The following AOPEP variants were observed in gnomAD, a reference collection of about 807,000 sequenced individuals.
The protein encoded by AOPEP is aminopeptidase O (putative).
AOPEP carries 77 observed loss-of-function variants against 98.1 expected under a neutral mutation model. The ratio of observed to expected loss-of-function variants is 0.78; its 90% CI spans 0.65 to 0.95. The LOEUF is 0.95. Ranked by LOEUF, AOPEP falls within the 40% of genes least tolerant of loss-of-function variation. The pLI, the probability that AOPEP is intolerant of heterozygous loss-of-function variation, is 0.00. For missense variants in AOPEP, 1,024 were observed against 1,024.7 expected (o/e 1.00, Z 0.01); for synonymous variants, 346 against 365.3 (o/e 0.95, Z 0.60).
At chr9:95,133,611 A>G in the AOPEP span, among the ~76,000 whole-genome samples, 1 of 152,196 alleles carries the variant, frequency 6.6e-6, no homozygotes, top group Non-Finnish European at 1.5e-5. Flanking sequence ...GGACATGGAG[A>G]AGGTTCAGGG....
chr9:94,895,574 C>G (rs1463555122), intron 5 of AOPEP, among the ~76,000 whole-genome samples: 3 of 151,944 alleles, frequency 2.0e-5, no homozygotes, highest in Non-Finnish European at 4.4e-5. Flanking sequence ...ACCTGTAAGC[C>G]AAGTGCCTGC....
the AOPEP span, among the ~76,000 whole-genome samples, chr9:95,132,666 A>T: frequency 6.6e-6 from 1 of 152,178 alleles, no homozygotes; most frequent in Non-Finnish European, 1.5e-5. Flanking sequence ...GGGTTTTGAA[A>T]ACTTTTCTTT....
chr9:94,812,573 GAA>G (rs892375685), intron 5 of AOPEP, among the ~76,000 whole-genome samples: 4 of 152,114 alleles, frequency 2.6e-5, no homozygotes, highest in African/African-American at 9.7e-5. Flanking sequence ...AGGAGGCTGA[GAA>G]ATGTGTGGTA....
At chr9:95,093,950 G>T in the AOPEP span, among the ~76,000 whole-genome samples, 1 of 152,174 alleles carries the variant, frequency 6.6e-6, no homozygotes, top group Non-Finnish European at 1.5e-5. Context: ...GACTTTGTTG[G>T]GTCAGTGTGT....
intron 16 of AOPEP, chr9:95,085,252 A>G: frequency 2.0e-6 from 1 of 493,522 alleles, no homozygotes; most frequent in Non-Finnish European, 4.2e-6. Context: ...CTGATTTGTG[A>G]CTTAAGATTA....
chr9:94,907,650 C>T (rs958053789), intron 5 of AOPEP, among the ~76,000 whole-genome samples: 4 of 152,164 alleles, frequency 2.6e-5, no homozygotes, highest in African/African-American at 7.2e-5. Context: ...GCAACATCTC[C>T]AGCCTCGGGG....
chr9:94,757,320 G>C (rs1294544403), intron 1 of AOPEP, among the ~76,000 whole-genome samples: 1 of 152,234 alleles, frequency 6.6e-6, no homozygotes, highest in Non-Finnish European at 1.5e-5. Flanking sequence ...TGCCTCTGTG[G>C]AGAGTATGCG....
chr9:94,983,266 G>A (rs887490002), intron 11 of AOPEP, among the ~76,000 whole-genome samples: 2 of 151,974 alleles, frequency 1.3e-5, no homozygotes, highest in African/African-American at 2.4e-5. Flanking sequence ...CTCATGATCC[G>A]CCTGCCTTGG....
rs1853439098 is a variant in AOPEP at position 94,822,379 on chromosome 9, A to G, written c.1364+21377A>G. The stretch of plus-strand genomic sequence containing the variant: ...GGGAAATGACTTTTCCTAAAAAGAA[A>G]AGTTTAAGGAAGTTTTTTGTTTGTT... On this transcript the variant is annotated intron_variant, in intron 5 of 16. Coordinates refer to ENST00000375315, the MANE Select transcript of AOPEP (RefSeq NM_001193329.3). Among the ~76,000 whole-genome samples the G allele has an allele frequency of 2.0e-5, 3 of 152,204 alleles. No individual in the cohort carries two copies. In the South Asian group the frequency reaches 6.2e-4, roughly 32 times the overall value.
the AOPEP span, chr9:95,126,727 G>T: frequency 1.3e-6 from 1 of 786,346 alleles, no homozygotes; most frequent in South Asian, 1.5e-5. Flanking sequence ...AACCACTGCT[G>T]TACTGAAAAC....
intron 7 of AOPEP, among the ~76,000 whole-genome samples, chr9:94,954,009 C>T (rs931851741): frequency 1.3e-5 from 2 of 152,048 alleles, no homozygotes; most frequent in African/African-American, 2.4e-5. Flanking sequence ...GGTTTCAGTC[C>T]TAATGTCACT....
intron 1 of AOPEP, among the ~76,000 whole-genome samples, chr9:94,741,062 G>A (rs1207247194): frequency 1.3e-5 from 2 of 152,020 alleles, no homozygotes; most frequent in Admixed American, 6.6e-5. Flanking sequence ...GTGAGAAAGT[G>A]TTTCTCTGTT....
intron 10 of AOPEP, among the ~76,000 whole-genome samples, chr9:94,968,080 G>C (rs1390382922): frequency 6.6e-6 from 1 of 152,194 alleles, no homozygotes; most frequent in Non-Finnish European, 1.5e-5. Flanking sequence ...GGCCTTTGCT[G>C]CTGCGGAAAG....
intron 13 of AOPEP, among the ~76,000 whole-genome samples, chr9:95,008,055 G>T (rs2062174189): frequency 6.6e-6 from 1 of 152,096 alleles, no homozygotes. Flanking sequence ...ATAAAGCTAT[G>T]GTATTTTCTG....
intron 5 of AOPEP, among the ~76,000 whole-genome samples, chr9:94,906,873 C>G (rs552302234): frequency 6.6e-6 from 1 of 152,250 alleles, no homozygotes; most frequent in African/African-American, 2.4e-5. Context: ...CCTGTTTGCC[C>G]AACCCAGTCT....
chr9:95,095,592 TA>T, the AOPEP span, among the ~76,000 whole-genome samples: 5 of 152,236 alleles, frequency 3.3e-5, no homozygotes, highest in Non-Finnish European at 7.3e-5. Flanking sequence ...TGGCCAGTTT[TA>T]CCCACCTTTT....
At position 94,760,231 on chromosome 9, in the gene AOPEP, G is replaced by A. The variant is rs759734136; in HGVS notation, c.448G>A (p.Asp150Asn). ...EDFLLVLDCC[D>N]LSVLKVEEVD... ...TTTTTTGCTAGTGTTGGACTGCTGT[G>A]ATTTATCTGTGTTAAAAGTCGAGGA... is the stretch of plus-strand genomic sequence containing the variant. The change falls in exon 2 of 17, where the codon GAT becomes AAT. Residue 150 changes from aspartate to asparagine, a missense_variant. This residue lies in a region of AOPEP where 440 missense variants were observed against 433.8 expected (regional missense o/e 1.01). Coordinates refer to ENST00000375315, the MANE Select transcript of AOPEP (RefSeq NM_001193329.3). 3 of 1,614,162 alleles carry A rather than the reference G, an allele frequency of 1.9e-6. No individual in the cohort carries two copies. The South Asian group carries it at 3.3e-5, about 18-fold the overall frequency.
chr9:95,009,085 G>T (rs1460922481), intron 13 of AOPEP, among the ~76,000 whole-genome samples: 2 of 152,148 alleles, frequency 1.3e-5, no homozygotes, highest in African/African-American at 2.4e-5. Context: ...AGGATGATTG[G>T]ATCAGCCAGC....
intron 5 of AOPEP, among the ~76,000 whole-genome samples, chr9:94,918,701 T>TG (rs2053167998): frequency 6.6e-6 from 1 of 152,108 alleles, no homozygotes; most frequent in Non-Finnish European, 1.5e-5. Context: ...CCTGAGGTTG[T>TG]GGGGTAGAGC....
Sources: gnomAD v4.1 joint callset for allele counts (sites outside exome capture counted in the v4.1 genomes callset) on GRCh38, gnomAD v4.1.1 for gene constraint, gnomAD v4.1.1 regional missense constraint, MANE v1.5 for transcripts, NCBI Gene and HGNC (gene_info 2026-07-23, HGNC 2026-07-21) for gene names.